The following CMC1 variants were observed in gnomAD, a reference collection of about 807,000 sequenced individuals.
The protein encoded by CMC1 is COX assembly mitochondrial protein homolog.
Under a neutral mutation model 14.1 loss-of-function variants are expected in CMC1, and 14 were observed. The observed-to-expected ratio is 0.99, with a 90% CI of 0.66 to 1.55. The LOEUF (loss-of-function observed/expected upper bound fraction) is 1.55. Among genes scored for constraint, CMC1 ranks in the 40% most tolerant of loss-of-function variants. The pLI is 0.00. For synonymous variants in CMC1, 50 were observed against 38.4 expected, an observed-to-expected ratio of 1.30 and a Z score of -1.12; for missense variants, 127 against 123.8, an observed-to-expected ratio of 1.03 and a Z score of -0.12.
At chr3:28,260,007 C>A (rs1461920673) in intron 1 of CMC1, among the ~76,000 whole-genome samples, 1 of 151,968 alleles carries the variant, frequency 6.6e-6, no homozygotes, top group Non-Finnish European at 1.5e-5. Flanking sequence ...TCCACGTATA[C>A]TGATTTTGTT....
In CMC1 at chr3:28,324,461, A is replaced by G. The variant is rs1703306173; in HGVS notation, c.*4832A>G. The G allele has an allele frequency of 4.1e-6, 6 of 1,456,558 alleles. No homozygotes were observed. Among genetic ancestry groups the G allele is most frequent in the African/African-American group, 1.4e-5 (1 of 70,624 alleles). 90.2% of individuals were successfully genotyped at this position (1,456,558 alleles called of 1,614,324 possible). On this transcript the variant is annotated 3_prime_UTR_variant, in exon 4 of 4. Transcript: ENST00000466830. Reference sequence around the variant, plus strand: ...CATCCTACAGGGGCACAGGCTAAAAAGAAAACACAGACTAAATGTCAGTTT... The same window carrying G: ...CATCCTACAGGGGCACAGGCTAAAAGGAAAACACAGACTAAATGTCAGTTT...
intron 2 of CMC1, among the ~76,000 whole-genome samples, chr3:28,274,216 T>TTTTTG (rs369764247): frequency 2.3e-5 from 3 of 129,550 alleles, no homozygotes; most frequent in Admixed American, 1.7e-4. Context: ...GTTTTTGTTT[T>TTTTTG]TTTCTTTTTT....
chr3:28,256,747 T>TAA (rs961842177), intron 1 of CMC1, among the ~76,000 whole-genome samples: 1 of 152,204 alleles, frequency 6.6e-6, no homozygotes, highest in Non-Finnish European at 1.5e-5. Context: ...TTGAAAAGAT[T>TAA]TTAAACAAAA....
At chr3:28,251,239 G>A (rs116339945) in intron 1 of CMC1, among the ~76,000 whole-genome samples, 1,915 of 152,232 alleles carry the variant, frequency 0.013, 18 homozygotes, top group Non-Finnish European at 0.02. Flanking sequence ...AAGGGGAAGC[G>A]GGCATGTGTG....
chr3:28,304,778 C>T (rs1374718709), intron 2 of CMC1, among the ~76,000 whole-genome samples: 1 of 152,040 alleles, frequency 6.6e-6, no homozygotes, highest in Non-Finnish European at 1.5e-5. Context: ...TTTTTATTCC[C>T]TATTTTACTT....
At chr3:28,263,472 A>G in intron 2 of CMC1, 92 bp downstream of exon 2, 1 of 757,988 alleles carries the variant, frequency 1.3e-6, no homozygotes, top group Admixed American at 3.2e-5. Context: ...TAGTCAATGA[A>G]TTAATATGTA....
At chr3:28,296,170 G>C (rs977652350) in intron 2 of CMC1, among the ~76,000 whole-genome samples, 4 of 151,972 alleles carry the variant, frequency 2.6e-5, no homozygotes, top group African/African-American at 9.7e-5. Context: ...CATATATTCA[G>C]TAAACTAGAA....
intron 2 of CMC1, among the ~76,000 whole-genome samples, chr3:28,264,604 A>G (rs565671584): frequency 3.3e-5 from 5 of 152,240 alleles, no homozygotes; most frequent in South Asian, 4.1e-4. Context: ...ACGTCAACCT[A>G]TTGACACCTG....
At chr3:28,252,114 A>G (rs559631115) in intron 1 of CMC1, among the ~76,000 whole-genome samples, 1 of 152,350 alleles carries the variant, frequency 6.6e-6, no homozygotes, top group South Asian at 2.1e-4. Context: ...ATACTTTTAA[A>G]TATGTTGTCC....
intron 2 of CMC1, among the ~76,000 whole-genome samples, chr3:28,265,670 G>C (rs1015704147): frequency 6.6e-6 from 1 of 151,900 alleles, no homozygotes. Context: ...GGGTCAGACT[G>C]CCAGCAACTT....
At position 28,241,661 on chromosome 3, in the gene CMC1, A is replaced by G. The variant is rs761840757; in HGVS notation, c.-133A>G. ...GGAACGGGTCCTGGCGGTGCTTTGC[A>G]AAGGGCCCGTGTTTCTGTTGCGGGA... On this transcript the variant is annotated 5_prime_UTR_variant, in exon 1 of 4. Transcript: ENST00000466830. The G allele has an allele frequency of 2.4e-6, 3 of 1,234,006 alleles. No homozygotes were observed. The highest frequency in any genetic ancestry group is 4.2e-5 in the South Asian group (1 of 23,720). 76.4% of individuals were successfully genotyped at this position (1,234,006 alleles called of 1,614,324 possible).
chr3:28,258,656 G>A (rs923144655), intron 1 of CMC1, among the ~76,000 whole-genome samples: 2 of 123,940 alleles, frequency 1.6e-5, no homozygotes, highest in Non-Finnish European at 3.1e-5. Context: ...ATCTCGCACT[G>A]TCACCCAGGC....
At chr3:28,284,378 G>A (rs556418270) in intron 2 of CMC1, among the ~76,000 whole-genome samples, 2 of 152,300 alleles carry the variant, frequency 1.3e-5, no homozygotes, top group East Asian at 3.9e-4. Context: ...TACAATCGAT[G>A]TGTATTGGAT....
rs1703276727 is a variant in CMC1 at position 28,323,905 on chromosome 3, A to G, written c.*4276A>G. Reference sequence around the variant, plus strand: ...TATGTTGGTTTTTGTACTATTGTACAGTGTGTTCAAATATAGATACTGAAG... The same window carrying G: ...TATGTTGGTTTTTGTACTATTGTACGGTGTGTTCAAATATAGATACTGAAG... On this transcript the variant is annotated 3_prime_UTR_variant, in exon 4 of 4. Coordinates refer to ENST00000466830, the MANE Select transcript of CMC1 (RefSeq NM_182523.2). 1 of 949,570 alleles carries G rather than the reference A, an allele frequency of 1.1e-6. No individual in the cohort carries two copies. Among genetic ancestry groups the G allele is most frequent in the South Asian group, 1.7e-5 (1 of 58,232 alleles). 58.8% of individuals were successfully genotyped at this position (949,570 alleles called of 1,614,324 possible). A position where few individuals can be genotyped will look rare whatever the true frequency, so the allele number is the denominator to read the frequency against.
At chr3:28,289,054 TA>T (rs1701338619) in intron 2 of CMC1, among the ~76,000 whole-genome samples, 4 of 151,632 alleles carry the variant, frequency 2.6e-5, no homozygotes, top group Admixed American at 2.0e-4. Context: ...ATTTTCTTTT[TA>T]TTTTTTTGAT....
Position 28,315,534 on chromosome 3 carries a change from C to T in CMC1, c.110-799C>T, listed in dbSNP as rs908738395. 2.0e-5 allele frequency among the ~76,000 whole-genome samples: 3 copies of T among 152,100 alleles called. No homozygotes were observed. In the East Asian group the frequency reaches 5.8e-4, roughly 29 times the overall value. Reference sequence around the variant, plus strand: ...GGTGGGAATCCACCGGCTTTTGTTGCCAGGTACTAAGAAGACATGCAGAGA... The same window carrying T: ...GGTGGGAATCCACCGGCTTTTGTTGTCAGGTACTAAGAAGACATGCAGAGA... On this transcript the variant is annotated intron_variant, in intron 2 of 3. Coordinates refer to ENST00000466830, the MANE Select transcript of CMC1 (RefSeq NM_182523.2).
chr3:28,318,973 C>A, intron 3 of CMC1: 1 of 226,834 alleles, frequency 4.4e-6, no homozygotes, highest in Non-Finnish European at 9.0e-6. Context: ...TGACTTTTGC[C>A]CATTCCATCT....
chr3:28,276,980 G>A lies in CMC1; in HGVS notation c.109+13600G>A, dbSNP rs192043754. ...ACATTTATAGAGCCAGCACATGACAGCAATGTGTGATTTTGATGAAGCAGA... is the reference window on the plus strand; with the variant it reads ...ACATTTATAGAGCCAGCACATGACAACAATGTGTGATTTTGATGAAGCAGA... On this transcript the variant is annotated intron_variant, in intron 2 of 3. Coordinates refer to ENST00000466830, the MANE Select transcript of CMC1 (RefSeq NM_182523.2). 4.6e-5 allele frequency among the ~76,000 whole-genome samples: 7 copies of A among 152,296 alleles called. No individual in the cohort carries two copies. The East Asian group carries it at 1.4e-3, about 29-fold the overall frequency.
chr3:28,294,990 TAAAAC>T (rs1553619235), intron 2 of CMC1, among the ~76,000 whole-genome samples: 1 of 151,796 alleles, frequency 6.6e-6, no homozygotes, highest in African/African-American at 2.4e-5. Flanking sequence ...TTATTTTTTT[TAAAAC>T]AAAACAAAAC....
Sources: gnomAD v4.1 joint callset for allele counts (sites outside exome capture counted in the v4.1 genomes callset) on GRCh38, gnomAD v4.1.1 for gene constraint, MANE v1.5 for transcripts, NCBI Gene and HGNC (gene_info 2026-07-23, HGNC 2026-07-21) for gene names.